The following GOLGA3 variants were observed in gnomAD, a reference collection of about 807,000 sequenced individuals.
GOLGA3 encodes golgin A3.
Under a neutral mutation model 169.4 loss-of-function variants are expected in GOLGA3, and 75 were observed. That is an observed-to-expected ratio of 0.44 (90% confidence interval 0.37 to 0.54). The LOEUF is 0.54. GOLGA3 is among the 20% of genes least tolerant of loss of function. The probability of loss-of-function intolerance (pLI) is 0.00; values close to 1 mark genes in which losing one functional copy is unlikely to be tolerated. For synonymous variants in GOLGA3, 824 were observed against 822.4 expected (o/e 1.00, Z -0.03); for missense variants, 1,899 against 1,930.0 (o/e 0.98, Z 0.30).
At chr12:132,807,838 T>G in intron 5 of GOLGA3, 53 bp downstream of exon 5, 2 of 78,936 alleles carry the variant, frequency 2.5e-5, no homozygotes, top group East Asian at 4.0e-4. Flanking sequence ...CACCCCCCTC[T>G]GTTGGCCCCA....
chr12:132,778,480 A>G (rs2045368541), intron 18 of GOLGA3, among the ~76,000 whole-genome samples: 1 of 148,770 alleles, frequency 6.7e-6, no homozygotes, highest in Non-Finnish European at 1.5e-5. Context: ...CTGAGGCAGG[A>G]GAATGGCGTG....
In GOLGA3 at chr12:132,819,377, G is replaced by C. The variant is rs1950118251; in HGVS notation, c.134-2565C>G. 5.9e-5 allele frequency among the ~76,000 whole-genome samples: 9 copies of C among 152,158 alleles called. No homozygotes were observed. The South Asian group carries it at 1.7e-3, about 28-fold the overall frequency. ...ACCCCGTCTCTACTAAAAATACAAA[G>C]ACTTAGCTGGGCGTGGTGGCGGGCG... On this transcript the variant is annotated intron_variant, in intron 2 of 23. Coordinates refer to ENST00000450791, the MANE Select transcript of GOLGA3 (RefSeq NM_001389683.1).
In GOLGA3 at chr12:132,777,582, C is replaced by T. The variant is rs1593229068; in HGVS notation, c.3722+84G>A. 6.8e-7 allele frequency: 1 copy of T among 1,476,456 alleles called. No homozygotes were observed. Among genetic ancestry groups the T allele is most frequent in the South Asian group, 1.2e-5 (1 of 82,344 alleles). 91.5% of individuals were successfully genotyped at this position (1,476,456 alleles called of 1,614,324 possible). ...CGGCAATTTGCAAAATATAGATGAC[C>T]CTCGCTGTGCTGAAGGTGTGAATTA... On this transcript the variant is annotated intron_variant, in intron 19 of 23. Transcript: ENST00000450791. The surrounding 1 kb of genome is among the most constrained non-coding windows in gnomAD (Gnocchi z 4.7).
intron 15 of GOLGA3, among the ~76,000 whole-genome samples, chr12:132,785,545 T>G (rs2045852649): frequency 6.6e-6 from 1 of 152,142 alleles, no homozygotes; most frequent in South Asian, 2.1e-4. Flanking sequence ...ACTCCTGTGC[T>G]CAAGCGATCC....
chr12:132,808,173 T>G lies in GOLGA3; in HGVS notation c.896A>C (p.Asn299Thr). The change falls in exon 5 of 24, where the codon AAC becomes ACC. Residue 299 changes from asparagine to threonine, a missense_variant. Asn to Thr is a moderately conservative substitution (Grantham distance 65). Coordinates refer to ENST00000450791, the MANE Select transcript of GOLGA3 (RefSeq NM_001389683.1). ...CACGCTGTCTCCAGCCAGGGAGGTGTTCTCCAGACGGTCGTCAGTGTCGGG... is the reference window on the plus strand; with the variant it reads ...CACGCTGTCTCCAGCCAGGGAGGTGGTCTCCAGACGGTCGTCAGTGTCGGG... ...LSPDTDDRLE[N>T]TSLAGDSVSE... The G allele has an allele frequency of 6.2e-7, 1 of 1,612,926 alleles. No individual in the cohort carries two copies. The highest frequency in any genetic ancestry group is 8.5e-7 in the Non-Finnish European group (1 of 1,179,154).
intron 3 of GOLGA3, among the ~76,000 whole-genome samples, chr12:132,816,214 C>T (rs1949954110): frequency 6.6e-6 from 1 of 152,148 alleles, no homozygotes. Context: ...AAAAAGCAAA[C>T]CAAAAAAAAC....
intron 13 of GOLGA3, 136 bp from the exon 14 acceptor site, chr12:132,786,923 C>T (rs1004408816): frequency 3.1e-6 from 2 of 651,976 alleles, no homozygotes; most frequent in Non-Finnish European, 5.5e-6. Flanking sequence ...GAGAAAAATC[C>T]TGAGAGAGAC....
intron 15 of GOLGA3, 71 bp from the exon 16 acceptor site, chr12:132,784,378 G>T (rs1009320): frequency 7.4e-7 from 1 of 1,344,790 alleles, no homozygotes; most frequent in Non-Finnish European, 1.0e-6. Context: ...CTGTGGTGCC[G>T]GCAGGCATGA....
At chr12:132,803,844 G>C (rs1057227733) in intron 7 of GOLGA3, among the ~76,000 whole-genome samples, 3 of 152,148 alleles carry the variant, frequency 2.0e-5, no homozygotes, top group Non-Finnish European at 4.4e-5. Flanking sequence ...AGACCTGAGA[G>C]ATGAGCCCAC....
chr12:132,799,641 T>C (rs1172017960), intron 8 of GOLGA3, among the ~76,000 whole-genome samples: 1 of 152,006 alleles, frequency 6.6e-6, no homozygotes, highest in African/African-American at 2.4e-5. Context: ...AGACCCTGTC[T>C]CCGAAAAAAC....
chr12:132,816,129 C>T (rs112302817), intron 3 of GOLGA3, among the ~76,000 whole-genome samples: 250 of 152,224 alleles, frequency 1.6e-3, no homozygotes, highest in African/African-American at 5.6e-3. Flanking sequence ...ACCCAGGAGG[C>T]GGAGATTGCA....
chr12:132,820,365 T>C (rs760098457), intron 2 of GOLGA3, among the ~76,000 whole-genome samples: 4 of 152,044 alleles, frequency 2.6e-5, no homozygotes, highest in Non-Finnish European at 4.4e-5. Flanking sequence ...ATGTTTAAAA[T>C]AGAAAAAGGG....
In GOLGA3 at chr12:132,775,280, G is replaced by C; in HGVS notation, c.4004C>G (p.Ala1335Gly). The change falls in exon 22 of 24, where the codon GCC becomes GGC. Residue 1335 changes from alanine to glycine, a missense_variant. Ala to Gly is a moderately conservative substitution (Grantham distance 60, BLOSUM62 0). Coordinates refer to ENST00000450791, the MANE Select transcript of GOLGA3 (RefSeq NM_001389683.1). ...CTGGGTCATGGACAGGTCTTCCTGG[G>C]CCATCTCCAACTCAGACTTGACGTT... ...LQNVKSELEM[A>G]QEDLSMTQKD... is the part of the protein sequence containing the mutation. The C allele has an allele frequency of 6.2e-7, 1 of 1,611,682 alleles. No homozygotes were observed. The highest frequency in any genetic ancestry group is 8.5e-7 in the Non-Finnish European group (1 of 1,179,098).
intron 3 of GOLGA3, among the ~76,000 whole-genome samples, chr12:132,816,249 C>T (rs994781900): frequency 2.0e-5 from 3 of 152,228 alleles, no homozygotes; most frequent in African/African-American, 7.2e-5. Context: ...GGATGCCCAC[C>T]GTCTGCTTAC....
intron 2 of GOLGA3, among the ~76,000 whole-genome samples, chr12:132,821,200 A>T (rs1210320855): frequency 6.7e-6 from 1 of 148,568 alleles, no homozygotes; most frequent in Non-Finnish European, 1.5e-5. Flanking sequence ...TGAGGTTGGG[A>T]GTTCGTGGCC....
chr12:132,810,973 A>G (rs1241770335), intron 4 of GOLGA3, among the ~76,000 whole-genome samples: 1 of 152,220 alleles, frequency 6.6e-6, no homozygotes, highest in Admixed American at 6.5e-5. Flanking sequence ...AAAGTCTCTG[A>G]TATGCAGAAA....
At chr12:132,778,075 T>G (rs996515417) in intron 18 of GOLGA3, among the ~76,000 whole-genome samples, 2 of 152,232 alleles carry the variant, frequency 1.3e-5, no homozygotes, top group Middle Eastern at 6.3e-3. Context: ...TTTTATAGTC[T>G]TCTTCCAGTG....
At chr12:132,774,357 C>CGG in intron 22 of GOLGA3, 37 bp from the exon 23 acceptor site, 2 of 1,605,330 alleles carry the variant, frequency 1.2e-6, no homozygotes, top group East Asian at 4.5e-5. Flanking sequence ...TTCCCACCGT[C>CGG]CCCTCCCTCG....
In GOLGA3 at chr12:132,785,803, G is replaced by A. The variant is rs149818459; in HGVS notation, c.3123+536C>T. On this transcript the variant is annotated intron_variant, in intron 15 of 23. Coordinates refer to ENST00000450791, the MANE Select transcript of GOLGA3 (RefSeq NM_001389683.1). ...TCAGGTAGAATGTTATGCCTACCAC[G>A]AAAGGTGACAGAGCACGGAGGGCCA... Among the ~76,000 whole-genome samples the A allele has an allele frequency of 2.9e-3, 439 of 152,342 alleles. 2 individuals are homozygous for A. Among genetic ancestry groups the A allele is most frequent in the Admixed American group, 6.3e-3 (96 of 15,300 alleles).
Sources: allele counts gnomAD v4.1 joint callset (sites outside exome capture counted in the v4.1 genomes callset), GRCh38; gene constraint gnomAD v4.1.1; non-coding constraint Gnocchi (gnomAD v3.1); transcripts MANE v1.5; gene names NCBI Gene and HGNC (gene_info 2026-07-23, HGNC 2026-07-21).